The following CPSF6 variants were observed in gnomAD, a reference collection of about 807,000 sequenced individuals.
CPSF6 encodes the protein cleavage and polyadenylation specificity factor subunit 6.
In CPSF6, 10 loss-of-function variants were observed where a neutral mutation model predicts 56.7. The observed-to-expected ratio is 0.18, with a 90% confidence interval of 0.11 to 0.30. CPSF6 has a LOEUF of 0.30. Ranked by LOEUF, CPSF6 falls within the 10% of genes least tolerant of loss-of-function variation. The probability of loss-of-function intolerance (pLI) is 1.00; values close to 1 mark genes in which losing one functional copy is unlikely to be tolerated. For synonymous variants in CPSF6, 248 were observed against 244.8 expected, an observed-to-expected ratio of 1.01 and a Z score of -0.12; for missense variants, 419 against 722.9, an observed-to-expected ratio of 0.58 and a Z score of 4.82.
At chr12:69,263,060 C>G (rs1872815737) in intron 9 of CPSF6, among the ~76,000 whole-genome samples, 1 of 148,774 alleles carries the variant, frequency 6.7e-6, no homozygotes, top group Non-Finnish European at 1.5e-5. Context: ...AGGGTGTTTT[C>G]TCAACATTCA....
intron 1 of CPSF6, among the ~76,000 whole-genome samples, chr12:69,246,081 T>C (rs1871889468): frequency 6.6e-6 from 1 of 152,104 alleles, no homozygotes; most frequent in Non-Finnish European, 1.5e-5. Flanking sequence ...AACGAGACTT[T>C]GTCACACACA....
intron 3 of CPSF6, among the ~76,000 whole-genome samples, chr12:69,253,480 G>A (rs1872350995): frequency 6.6e-6 from 1 of 152,152 alleles, no homozygotes; most frequent in Non-Finnish European, 1.5e-5. Context: ...AGAGATGGGA[G>A]AAGATGGGCA....
chr12:69,273,181 T>G lies in CPSF6; in HGVS notation c.*3673T>G, dbSNP rs1279026672. ...AGGAAGTTCTTATACTCTTCTTTCTTGGCATTAGAAAGAAGCAATATGAAT... is the reference window on the plus strand; with the variant it reads ...AGGAAGTTCTTATACTCTTCTTTCTGGGCATTAGAAAGAAGCAATATGAAT... On this transcript the variant is annotated 3_prime_UTR_variant, in exon 10 of 10. Transcript: ENST00000435070. The G allele has an allele frequency of 1.9e-6, 1 of 517,786 alleles. No individual in the cohort carries two copies. The highest frequency in any genetic ancestry group is 3.9e-6 in the Non-Finnish European group (1 of 253,476). 32.1% of individuals were successfully genotyped at this position (517,786 alleles called of 1,614,324 possible). A position where few individuals can be genotyped will look rare whatever the true frequency, so the allele number is the denominator to read the frequency against.
At chr12:69,259,210 GT>G (rs1477541529) in intron 6 of CPSF6, 116 bp downstream of exon 6, 3 of 1,294,988 alleles carry the variant, frequency 2.3e-6, no homozygotes, top group Non-Finnish European at 3.1e-6. Context: ...AAGATGAGGT[GT>G]TTAAGCTGCT....
At chr12:69,245,237 T>C (rs1871836918) in intron 1 of CPSF6, among the ~76,000 whole-genome samples, 1 of 152,182 alleles carries the variant, frequency 6.6e-6, no homozygotes, top group Non-Finnish European at 1.5e-5. Flanking sequence ...GAGAGCACAG[T>C]AGGTTTGTTC....
chr12:69,270,740 A>G lies in CPSF6; in HGVS notation c.*1232A>G, dbSNP rs1873203521. ...GATTTTTTTCAAACCTGCCTTACAT[A>G]TAGGCCCACTTTAAAAGCACCTGAC... On this transcript the variant is annotated 3_prime_UTR_variant, in exon 10 of 10. Coordinates refer to ENST00000435070, the MANE Select transcript of CPSF6 (RefSeq NM_007007.3). 1 of 151,730 alleles carries G rather than the reference A, an allele frequency of 6.6e-6. No homozygotes were observed. Among genetic ancestry groups the G allele is most frequent in the African/African-American group, 2.4e-5 (1 of 41,402 alleles). 9.4% of individuals were successfully genotyped at this position (151,730 alleles called of 1,614,324 possible). A position where few individuals can be genotyped will look rare whatever the true frequency, so the allele number is the denominator to read the frequency against.
At chr12:69,254,413 T>C (rs79353345) in intron 3 of CPSF6, among the ~76,000 whole-genome samples, 1,544 of 152,348 alleles carry the variant, frequency 0.01, 15 homozygotes, top group Non-Finnish European at 0.017. Context: ...AATATCCACA[T>C]GGCTTACTCT....
chr12:69,252,362 GC>G (rs1872291193), intron 2 of CPSF6: 1 of 226,434 alleles, frequency 4.4e-6, no homozygotes, highest in East Asian at 1.4e-4. Context: ...GGATTATGGT[GC>G]CCAGCCTATT....
In CPSF6 at chr12:69,271,746, A is replaced by G. The variant is rs1170990384; in HGVS notation, c.*2238A>G. On this transcript the variant is annotated 3_prime_UTR_variant, in exon 10 of 10. Coordinates refer to ENST00000435070, the MANE Select transcript of CPSF6 (RefSeq NM_007007.3). ...TCTCTACCTGATAACACGTGAATGT[A>G]TAGCAGTAAAGGTGAAAATTGCAGG... 1 of 151,776 alleles carries G rather than the reference A, an allele frequency of 6.6e-6. No homozygotes were observed. Among genetic ancestry groups the G allele is most frequent in the Non-Finnish European group, 1.5e-5 (1 of 67,686 alleles). 9.4% of individuals were successfully genotyped at this position (151,776 alleles called of 1,614,324 possible). A position where few individuals can be genotyped will look rare whatever the true frequency, so the allele number is the denominator to read the frequency against.
chr12:69,247,241 C>T (rs1005993501), intron 1 of CPSF6, among the ~76,000 whole-genome samples: 8 of 152,114 alleles, frequency 5.3e-5, no homozygotes, highest in Non-Finnish European at 1.2e-4. Flanking sequence ...TCCATTTTCT[C>T]TGGCTTGGCA....
intron 1 of CPSF6, among the ~76,000 whole-genome samples, chr12:69,240,378 CTTTGACTT>C (rs1871550767): frequency 6.6e-6 from 1 of 152,186 alleles, no homozygotes; most frequent in Non-Finnish European, 1.5e-5. Context: ...GCAACAAGTC[CTTTGACTT>C]TTGGAGCCAC....
Position 69,272,216 on chromosome 12 carries a change from G to T in CPSF6, c.*2708G>T, listed in dbSNP as rs1240561519. 6.6e-6 allele frequency: 1 copy of T among 150,646 alleles called. No homozygotes were observed. The highest frequency in any genetic ancestry group is 2.4e-5 in the African/African-American group (1 of 41,110). 9.3% of individuals were successfully genotyped at this position (150,646 alleles called of 1,614,324 possible). A position where few individuals can be genotyped will look rare whatever the true frequency, so the allele number is the denominator to read the frequency against. ...TAAGTTGCAGTGGCTTTTGATCATA[G>T]TTTAGCCCATTTAATGGTCCTTTTA... On this transcript the variant is annotated 3_prime_UTR_variant, in exon 10 of 10. Coordinates refer to ENST00000435070, the MANE Select transcript of CPSF6 (RefSeq NM_007007.3).
rs1873310358 is a variant in CPSF6, at chr12:69,272,868, C to CTGTGTGTG, written c.*3360_*3361insTGTGTGTG. The CTGTGTGTG allele has an allele frequency of 7.6e-6, 1 of 131,914 alleles. No individual in the cohort carries two copies. The highest frequency in any genetic ancestry group is 1.6e-5 in the Non-Finnish European group (1 of 61,552). 8.2% of individuals were successfully genotyped at this position (131,914 alleles called of 1,614,324 possible). On this transcript the variant is annotated 3_prime_UTR_variant, in exon 10 of 10. Transcript: ENST00000435070. ...AAAGCATTCTATTTTTCTGTTCTTA[C>CTGTGTGTG]AGTGTGTGTGTGTGTGTGTGTGTGT...
In CPSF6 at chr12:69,271,799, A is replaced by C. The variant is rs1461389573; in HGVS notation, c.*2291A>C. 6.6e-6 allele frequency: 1 copy of C among 151,644 alleles called. No individual in the cohort carries two copies. The highest frequency in any genetic ancestry group is 1.5e-5 in the Non-Finnish European group (1 of 67,652). 9.4% of individuals were successfully genotyped at this position (151,644 alleles called of 1,614,324 possible). On this transcript the variant is annotated 3_prime_UTR_variant, in exon 10 of 10. Coordinates refer to ENST00000435070, the MANE Select transcript of CPSF6 (RefSeq NM_007007.3). ...TTGTTTTGTTCTTCATACCCCCTTC[A>C]GTTGTTTATGGGTTAATGTTATTTG...
At chr12:69,256,894 A>T (rs965618148) in intron 4 of CPSF6, 52 bp downstream of exon 4, 1 of 1,472,520 alleles carries the variant, frequency 6.8e-7, no homozygotes, top group Admixed American at 2.1e-5. Context: ...TAACCAGTGC[A>T]TTTGTTAGGT....
intron 2 of CPSF6, chr12:69,252,092 A>G: frequency 2.2e-6 from 1 of 455,070 alleles, no homozygotes; most frequent in Non-Finnish European, 4.4e-6. Flanking sequence ...TCAGGGGGAG[A>G]CAGAATTTGC....
chr12:69,257,195 A>G (rs1872547772), intron 4 of CPSF6, among the ~76,000 whole-genome samples: 14 of 152,214 alleles, frequency 9.2e-5, no homozygotes. Flanking sequence ...GGTGGGGGAG[A>G]GATCACTGAT....
intron 3 of CPSF6, among the ~76,000 whole-genome samples, chr12:69,253,999 A>T (rs554178035): frequency 6.6e-6 from 1 of 152,304 alleles, no homozygotes; most frequent in South Asian, 2.1e-4. Context: ...TTAGAAGATT[A>T]TACCAATTTA....
intron 1 of CPSF6, among the ~76,000 whole-genome samples, chr12:69,244,491 T>A (rs1024674226): frequency 6.6e-6 from 1 of 152,144 alleles, no homozygotes. Context: ...CCCAAAGCGC[T>A]GGGATTACAG....
Sources: gnomAD v4.1 joint callset for allele counts (sites outside exome capture counted in the v4.1 genomes callset) on GRCh38, gnomAD v4.1.1 for gene constraint, MANE v1.5 for transcripts, NCBI Gene and HGNC (gene_info 2026-07-23, HGNC 2026-07-21) for gene names.